Variants in SEMA6D observed in about 807,000 individuals in gnomAD.
SEMA6D encodes the protein semaphorin 6D, also known as semaphorin-6D.
SEMA6D carries 35 observed loss-of-function variants against 106.6 expected under a neutral mutation model. The ratio of observed to expected loss-of-function variants is 0.33; its 90% CI spans 0.25 to 0.44. The LOEUF is 0.44. SEMA6D is among the 20% of genes least tolerant of loss of function. SEMA6D has a pLI of 1.00. For synonymous variants in SEMA6D, 499 were observed against 487.7 expected (o/e 1.02, Z -0.31); for missense variants, 1,185 against 1,345.9 (o/e 0.88, Z 1.87).
intron 4 of SEMA6D, among the ~76,000 whole-genome samples, chr15:47,610,685 C>A (rs2076880923): frequency 6.6e-6 from 1 of 152,108 alleles, no homozygotes; most frequent in Non-Finnish European, 1.5e-5. Flanking sequence ...TACCATTTTT[C>A]TTTTCCAAAT....
At chr15:47,294,336 G>A (rs2035719973) in intron 1 of SEMA6D, among the ~76,000 whole-genome samples, 1 of 151,744 alleles carries the variant, frequency 6.6e-6, no homozygotes, top group South Asian at 2.1e-4. Context: ...CGATTCTCCT[G>A]CCTCAGTTTC....
At chr15:47,630,537 T>C (rs1372164805) in intron 4 of SEMA6D, among the ~76,000 whole-genome samples, 1 of 151,748 alleles carries the variant, frequency 6.6e-6, no homozygotes, top group African/African-American at 2.4e-5. Context: ...ACATCATCTG[T>C]AAATAGGGAC....
intron 1 of SEMA6D, among the ~76,000 whole-genome samples, chr15:47,758,090 G>A: frequency 6.6e-6 from 1 of 152,134 alleles, no homozygotes; most frequent in Non-Finnish European, 1.5e-5. Flanking sequence ...CATTCCACCT[G>A]CTTTTTGTAA....
intron 3 of SEMA6D, among the ~76,000 whole-genome samples, chr15:47,564,653 A>G (rs893813595): frequency 1.3e-5 from 2 of 152,198 alleles, no homozygotes; most frequent in Non-Finnish European, 2.9e-5. Context: ...CAGGAGGCAG[A>G]GGAATTCTAG....
At position 47,348,723 on chromosome 15, in the gene SEMA6D, C is replaced by CAGAGAGAGAGAGAGAGAGAGAG. The variant is rs1258338355; in HGVS notation, c.-238-63669_-238-63668insGAGAGAGAGAGAGAGAGAGAGA. Among the ~76,000 whole-genome samples, 88 of 45,580 alleles carry CAGAGAGAGAGAGAGAGAGAGAG rather than the reference C, an allele frequency of 1.9e-3. 7 individuals are homozygous for CAGAGAGAGAGAGAGAGAGAGAG. The highest frequency in any genetic ancestry group is 4.0e-3 in the African/African-American group (70 of 17,530). 29.9% of individuals were successfully genotyped at this position (45,580 alleles called of 152,430 possible). ...CACACACACACACACACACACCACA[C>CAGAGAGAGAGAGAGAGAGAGAG]ACACAGAGAGAGAGAGAGAGAGAGA... On this transcript the variant is annotated intron_variant, in intron 1 of 19. Transcript: ENST00000558014.
At chr15:47,184,258 A>C (rs1893381885) in exon 1 of SEMA6D, 1 of 152,916 alleles carries the variant, frequency 6.5e-6, no homozygotes, top group Non-Finnish European at 1.5e-5. Flanking sequence ...GAGCGGTGAC[A>C]GCAAGGAGCG....
chr15:47,605,038 A>C (rs1314725635), intron 4 of SEMA6D, among the ~76,000 whole-genome samples: 1 of 152,128 alleles, frequency 6.6e-6, no homozygotes, highest in Admixed American at 6.5e-5. Context: ...CTGTGTAACC[A>C]ATATCCCTGA....
intron 4 of SEMA6D, among the ~76,000 whole-genome samples, chr15:47,669,148 G>C (rs1362400792): frequency 6.6e-6 from 1 of 152,084 alleles, no homozygotes; most frequent in African/African-American, 2.4e-5. Flanking sequence ...ATATGAGCAA[G>C]TAGCTCCTCA....
At position 47,772,057 on chromosome 15, in the gene SEMA6D, T is replaced by C. The variant is rs1421827070; in HGVS notation, c.*272T>C. 2 of 435,664 alleles carry C rather than the reference T, an allele frequency of 4.6e-6. No individual in the cohort carries two copies. 27.0% of individuals were successfully genotyped at this position (435,664 alleles called of 1,614,324 possible). ...AGATGTGTAGCTCACAGGGGCTACCTTACCAGTATAAAGAGCTGATAACAG... is the reference window on the plus strand; with the variant it reads ...AGATGTGTAGCTCACAGGGGCTACCCTACCAGTATAAAGAGCTGATAACAG... On this transcript the variant is annotated 3_prime_UTR_variant, in exon 19 of 19. Coordinates refer to ENST00000536845, the MANE Select transcript of SEMA6D (RefSeq NM_001358351.3).
At chr15:47,301,997 C>T (rs956529861) in intron 1 of SEMA6D, among the ~76,000 whole-genome samples, 1 of 152,150 alleles carries the variant, frequency 6.6e-6, no homozygotes, top group Non-Finnish European at 1.5e-5. Flanking sequence ...AAAAAGTTGA[C>T]AATCACAAAA....
At chr15:47,419,708 A>G (rs926927339) in intron 2 of SEMA6D, among the ~76,000 whole-genome samples, 1 of 152,174 alleles carries the variant, frequency 6.6e-6, no homozygotes, top group Non-Finnish European at 1.5e-5. Context: ...AACTAGTGCA[A>G]AAAGGTGAAA....
At chr15:47,392,019 T>C (rs2040052334) in intron 1 of SEMA6D, among the ~76,000 whole-genome samples, 1 of 152,176 alleles carries the variant, frequency 6.6e-6, no homozygotes, top group Non-Finnish European at 1.5e-5. Flanking sequence ...TCCTTCTCTA[T>C]CCAGTTTTTT....
intron 4 of SEMA6D, among the ~76,000 whole-genome samples, chr15:47,707,420 A>G (rs1030121450): frequency 2.0e-5 from 3 of 152,366 alleles, no homozygotes; most frequent in African/African-American, 4.8e-5. Context: ...AAAAGTATCT[A>G]TCAGCATTTT....
chr15:47,576,754 G>A (rs2076162857), intron 3 of SEMA6D, among the ~76,000 whole-genome samples: 1 of 152,200 alleles, frequency 6.6e-6, no homozygotes, highest in African/African-American at 2.4e-5. Context: ...CTCTGGCTTG[G>A]TAAACTAATC....
chr15:47,520,100 C>T (rs2044522379), intron 3 of SEMA6D, among the ~76,000 whole-genome samples: 2 of 152,198 alleles, frequency 1.3e-5, no homozygotes, highest in South Asian at 4.1e-4. Context: ...CCTCAGGTCT[C>T]TGTGTGTCTG....
intron 4 of SEMA6D, among the ~76,000 whole-genome samples, chr15:47,601,876 CTG>C (rs2076667142): frequency 6.6e-6 from 1 of 152,238 alleles, no homozygotes; most frequent in Non-Finnish European, 1.5e-5. Flanking sequence ...ATTCTAGAGA[CTG>C]TAAGTTTCAG....
intron 1 of SEMA6D, among the ~76,000 whole-genome samples, chr15:47,353,227 C>T (rs546925793): frequency 1.1e-3 from 171 of 152,182 alleles, no homozygotes; most frequent in African/African-American, 3.9e-3. Context: ...TAAAGAGTTA[C>T]GTGTTTTGTC....
chr15:47,642,372 A>G (rs1386975867), intron 4 of SEMA6D, among the ~76,000 whole-genome samples: 1 of 151,090 alleles, frequency 6.6e-6, no homozygotes, highest in Non-Finnish European at 1.5e-5. Flanking sequence ...TTCAGACTCT[A>G]CGTGATTTTT....
intron 2 of SEMA6D, among the ~76,000 whole-genome samples, chr15:47,469,459 A>G (rs1318739063): frequency 1.3e-5 from 2 of 152,060 alleles, no homozygotes; most frequent in Non-Finnish European, 2.9e-5. Context: ...CAACCTGTTC[A>G]GTTATATATG....
Sources: allele counts gnomAD v4.1 joint callset (sites outside exome capture counted in the v4.1 genomes callset), GRCh38; gene constraint gnomAD v4.1.1; transcripts MANE v1.5; gene names NCBI Gene and HGNC (gene_info 2026-07-23, HGNC 2026-07-21).